Variants in SMARCD1 observed in about 807,000 individuals in gnomAD.
The protein encoded by SMARCD1 is SWI/SNF-related matrix-associated actin-dependent regulator of chromatin subfamily D member 1.
A neutral mutation model predicts 70.8 loss-of-function variants in SMARCD1; 16 were observed. That is an observed-to-expected ratio of 0.23 (90% CI 0.15 to 0.34). SMARCD1 has a LOEUF of 0.34. Among genes scored for constraint, SMARCD1 ranks in the 10% least tolerant of loss-of-function variants. SMARCD1 has a pLI of 1.00. For synonymous variants in SMARCD1, 249 were observed against 246.0 expected (o/e 1.01, Z -0.11); for missense variants, 409 against 655.5 (o/e 0.62, Z 4.11).
intron 1 of SMARCD1, 160 bp from the exon 2 acceptor site, chr12:50,086,001 T>A: frequency 2.1e-6 from 1 of 468,052 alleles, no homozygotes; most frequent in Non-Finnish European, 3.6e-6. Flanking sequence ...TCTGTTTTTC[T>A]ATGGAGTCAC....
chr12:50,089,940 A>G lies in SMARCD1; in HGVS notation c.828A>G (p.Gly276=). The G allele has an allele frequency of 6.2e-7, 1 of 1,614,016 alleles. No homozygotes were observed. The highest frequency in any genetic ancestry group is 8.5e-7 in the Non-Finnish European group (1 of 1,179,976). The part of the protein sequence containing the change: ...ETDGFQVKRP[G]DVNVRCTVLL... The stretch of plus-strand genomic sequence containing the variant: ...ATGGCTTTCAGGTGAAGCGGCCGGG[A>G]GACGTGAATGTACGGTGTACTGTCC... The change falls in exon 7 of 13, where the codon GGA becomes GGG. Residue 276 remains glycine, a synonymous_variant. Transcript: ENST00000394963.
intron 4 of SMARCD1, 61 bp from the exon 5 acceptor site, chr12:50,087,302 C>A: frequency 6.3e-7 from 1 of 1,587,544 alleles, no homozygotes; most frequent in East Asian, 2.3e-5. Context: ...TTGGGGAGAC[C>A]GTTGTCTTCA....
At chr12:50,087,323 A>G (rs748536659) in intron 4 of SMARCD1, 40 bp from the exon 5 acceptor site, 136 of 1,607,536 alleles carry the variant, frequency 8.5e-5, no homozygotes, top group Non-Finnish European at 1.1e-4. Flanking sequence ...ACATCAGACC[A>G]CTGAAGCCCC....
At chr12:50,086,965 C>T (rs1950797322) in intron 4 of SMARCD1, 87 bp downstream of exon 4, 1 of 1,332,972 alleles carries the variant, frequency 7.5e-7, no homozygotes, top group Non-Finnish European at 1.1e-6. Flanking sequence ...AAAGGCACAG[C>T]ACAACTCTCC....
chr12:50,085,366 G>C lies in SMARCD1; in HGVS notation c.-4G>C, dbSNP rs778519932. The C allele has an allele frequency of 1.2e-5, 15 of 1,264,550 alleles. No individual in the cohort carries two copies. The East Asian group carries it at 3.9e-4, about 33-fold the overall frequency. The allele number at this position is 1,264,550 out of a possible 1,614,324, so 78.3% of individuals were successfully genotyped here. A position where few individuals can be genotyped will look rare whatever the true frequency, so the allele number is the denominator to read the frequency against. Reference sequence around the variant, plus strand: ...TGTGCGGCTGCATCGGCGGCTCCGGGAAGATGGCGGCCCGGGCGGGTTTCC... The same window carrying C: ...TGTGCGGCTGCATCGGCGGCTCCGGCAAGATGGCGGCCCGGGCGGGTTTCC... On this transcript the variant is annotated 5_prime_UTR_variant, in exon 1 of 13. Transcript: ENST00000394963.
At chr12:50,098,436 G>A (rs776600744) in intron 11 of SMARCD1, 9 of 438,876 alleles carry the variant, frequency 2.1e-5, no homozygotes, top group South Asian at 5.1e-5. Flanking sequence ...GTGACTTCAC[G>A]TTGTCTTCCT....
rs1371932209 is a variant in SMARCD1 at position 50,099,153 on chromosome 12, C to G, written c.*153C>G. 1 of 681,700 alleles carries G rather than the reference C, an allele frequency of 1.5e-6. No homozygotes were observed. The highest frequency in any genetic ancestry group is 1.8e-5 in the African/African-American group (1 of 56,218). 42.2% of individuals were successfully genotyped at this position (681,700 alleles called of 1,614,324 possible). ...CCAGAATGAAGAGGGTCTCACAAGA[C>G]ACCTGTTATCCTCTTCTTTCACCCT... On this transcript the variant is annotated 3_prime_UTR_variant, in exon 13 of 13. Coordinates refer to ENST00000394963, the MANE Select transcript of SMARCD1 (RefSeq NM_003076.5).
rs761404946 is a variant in SMARCD1, at chr12:50,086,623, C to T, written c.368C>T (p.Ala123Val). ...ATAATAGTATTTATTCCCAACAGTG[C>T]AAAGAAAAAGAAGATGGCTGACAAA... ...QQAVQNRNHN[A>V]KKKKMADKIL... Residue 123 changes from alanine to valine, a missense_variant and splice_region_variant, in exon 3 of 13, where the codon GCA becomes GTA. Coordinates refer to ENST00000394963, the MANE Select transcript of SMARCD1 (RefSeq NM_003076.5). 3.1e-6 allele frequency: 5 copies of T among 1,613,772 alleles called. No individual in the cohort carries two copies. Among genetic ancestry groups the T allele is most frequent in the Non-Finnish European group, 4.2e-6 (5 of 1,179,766 alleles).
In SMARCD1 at chr12:50,099,024, G is replaced by A. The variant is rs762335832; in HGVS notation, c.*24G>A. 3.5e-5 allele frequency: 56 copies of A among 1,611,270 alleles called. 1 individual carries two copies. Among genetic ancestry groups the A allele is most frequent in the South Asian group, 3.4e-4 (31 of 91,012 alleles). ...AGGGCCTCTCCCACAGCCCTGATTC[G>A]ACTGCACCAATTCTTGATTTGGGCC... On this transcript the variant is annotated 3_prime_UTR_variant, in exon 13 of 13. Transcript: ENST00000394963.
chr12:50,093,370 G>GC (rs1395185962), intron 9 of SMARCD1, among the ~76,000 whole-genome samples: 2 of 151,950 alleles, frequency 1.3e-5, no homozygotes, highest in African/African-American at 4.8e-5. Flanking sequence ...CGCCATGTTG[G>GC]CCACACTAGC....
chr12:50,088,488 T>G, intron 5 of SMARCD1, 33 bp from the exon 6 acceptor site: 1 of 1,250,012 alleles, frequency 8.0e-7, no homozygotes. Context: ...CTTCTGGCCT[T>G]TCCTAATGTG....
chr12:50,086,171 T>C lies in SMARCD1; in HGVS notation c.188T>C (p.Met63Thr). Residue 63 changes from methionine (M) to threonine (T), a missense_variant, in exon 2 of 13, where the codon ATG (methionine) becomes ACG (threonine). By Grantham distance (81) the Met-to-Thr change is moderately conservative (BLOSUM62 -1). This residue lies in a region of SMARCD1 where 140 missense variants were observed against 156.9 expected (regional missense o/e 0.89). Transcript: ENST00000394963. ...CTCTCCCCTCTGTAGAGACCAGGTA[T>C]GTTGCCAGGCAGCCGAATGACACCT... ...MPGAAYPRPGMLPGSRMTPQG... is the reference protein window; with the variant it reads ...MPGAAYPRPGTLPGSRMTPQG... 1 of 1,561,570 alleles carries C rather than the reference T, an allele frequency of 6.4e-7. No homozygotes were observed. Among genetic ancestry groups the C allele is most frequent in the South Asian group, 1.2e-5 (1 of 84,556 alleles).
chr12:50,085,956 T>G (rs963364423), intron 1 of SMARCD1: 5 of 414,344 alleles, frequency 1.2e-5, no homozygotes, highest in African/African-American at 1.0e-4. Flanking sequence ...GACTGAGAAT[T>G]TGAGTATAAT....
chr12:50,097,468 C>T (rs925473351), intron 11 of SMARCD1, among the ~76,000 whole-genome samples: 15 of 152,102 alleles, frequency 9.9e-5, no homozygotes, highest in African/African-American at 3.1e-4. Flanking sequence ...AGGAGAATTG[C>T]TTGAACCCAG....
In SMARCD1 at chr12:50,089,940, A is replaced by C. The variant is rs1950825990; in HGVS notation, c.828A>C (p.Gly276=). 6.2e-7 allele frequency: 1 copy of C among 1,613,898 alleles called. No individual in the cohort carries two copies. The highest frequency in any genetic ancestry group is 8.5e-7 in the Non-Finnish European group (1 of 1,179,984). The part of the protein sequence containing the change: ...ETDGFQVKRP[G]DVNVRCTVLL... ...ATGGCTTTCAGGTGAAGCGGCCGGG[A>C]GACGTGAATGTACGGTGTACTGTCC... Residue 276 remains glycine (G), a synonymous_variant, in exon 7 of 13, where the codon GGA becomes GGC. Transcript: ENST00000394963.
chr12:50,090,708 T>C (rs1229653650), intron 9 of SMARCD1, 118 bp downstream of exon 9: 2 of 625,948 alleles, frequency 3.2e-6, no homozygotes, highest in African/African-American at 3.7e-5. Context: ...ACTGTTACAC[T>C]GTTACTTACA....
intron 5 of SMARCD1, among the ~76,000 whole-genome samples, chr12:50,087,777 G>GTT (rs372790592): frequency 6.8e-6 from 1 of 146,552 alleles, no homozygotes; most frequent in Non-Finnish European, 1.5e-5. Flanking sequence ...AGATTATTTA[G>GTT]TTTTTTTTTT....
chr12:50,094,888 C>T (rs1950879051), intron 10 of SMARCD1, among the ~76,000 whole-genome samples: 1 of 152,184 alleles, frequency 6.6e-6, no homozygotes. Flanking sequence ...ACCTCCACTT[C>T]CTGGGTTCAA....
intron 4 of SMARCD1, 31 bp downstream of exon 4, chr12:50,086,909 A>T (rs1950796937): frequency 6.2e-7 from 1 of 1,610,916 alleles, no homozygotes; most frequent in African/African-American, 1.3e-5. Flanking sequence ...GCAGAGAGCC[A>T]AAGGAGAGGA....
Sources: gnomAD v4.1 joint callset for allele counts (sites outside exome capture counted in the v4.1 genomes callset) on GRCh38, gnomAD v4.1.1 for gene constraint, gnomAD v4.1.1 regional missense constraint, MANE v1.5 for transcripts, NCBI Gene and HGNC (gene_info 2026-07-23, HGNC 2026-07-21) for gene names.